Variants in PCDH11X observed in about 807,000 individuals in gnomAD.
The protein encoded by PCDH11X is protocadherin 11 X-linked.
PCDH11X carries 18 observed loss-of-function variants against 53.3 expected under a neutral mutation model. That is an observed-to-expected ratio of 0.34 (90% CI 0.23 to 0.50). The LOEUF (loss-of-function observed/expected upper bound fraction) is 0.50. Ranked by LOEUF, PCDH11X falls within the 20% of genes least tolerant of loss-of-function variation. PCDH11X has a pLI of 0.98. For synonymous variants in PCDH11X, 279 were observed against 393.3 expected (o/e 0.71, Z 3.44); for missense variants, 570 against 1,032.4 (o/e 0.55, Z 6.14).
intron 10 of PCDH11X, among the ~76,000 whole-genome samples, chrX:92,478,548 A>G (rs1219186853): frequency 9.0e-6 from 1 of 110,998 alleles, no homozygotes; most frequent in Non-Finnish European, 1.9e-5. Context: ...GTTGTGTCCC[A>G]GAGATTCTGC....
intron 6 of PCDH11X, among the ~76,000 whole-genome samples, chrX:91,921,081 G>A (rs768781589): frequency 8.1e-4 from 91 of 111,791 alleles, no homozygotes; most frequent in African/African-American, 2.8e-3. Flanking sequence ...TCATCTGTGG[G>A]TGAATTTCCC....
intron 8 of PCDH11X, among the ~76,000 whole-genome samples, chrX:92,281,264 A>G (rs1159478212): frequency 3.6e-5 from 4 of 111,793 alleles, no homozygotes; most frequent in Non-Finnish European, 5.6e-5. Flanking sequence ...ATAAACACAC[A>G]TACACACGCA....
intron 6 of PCDH11X, among the ~76,000 whole-genome samples, chrX:92,054,840 A>AAG (rs1556004430): frequency 2.9e-5 from 3 of 104,820 alleles, no homozygotes; most frequent in East Asian, 3.0e-4. Flanking sequence ...AAAAAAAAAA[A>AAG]AAAAGAAAAG....
intron 6 of PCDH11X, among the ~76,000 whole-genome samples, chrX:92,041,330 AC>A (rs1478958564): frequency 9.0e-6 from 1 of 110,618 alleles, no homozygotes; most frequent in East Asian, 2.8e-4. Context: ...ATTTTCTTAT[AC>A]AATCACCAAA....
chrX:92,262,768 G>C (rs561912097), intron 7 of PCDH11X, among the ~76,000 whole-genome samples: 1 of 111,336 alleles, frequency 9.0e-6, no homozygotes, highest in South Asian at 3.7e-4. Flanking sequence ...GAAAATAAGT[G>C]ACACCATAAC....
chrX:92,009,388 C>A (rs2062652023), intron 6 of PCDH11X, among the ~76,000 whole-genome samples: 1 of 110,906 alleles, frequency 9.0e-6, no homozygotes, highest in African/African-American at 3.3e-5. Flanking sequence ...TATTAATCAG[C>A]AACAAAATGG....
chrX:92,171,824 G>A, intron 6 of PCDH11X, among the ~76,000 whole-genome samples: 1 of 111,009 alleles, frequency 9.0e-6, no homozygotes, highest in East Asian at 2.9e-4. Context: ...TTGCCATCTT[G>A]ACAATATTAA....
chrX:92,505,152 CTTT>C (rs58620449), intron 10 of PCDH11X, among the ~76,000 whole-genome samples: 185 of 64,253 alleles, frequency 2.9e-3, no homozygotes, highest in African/African-American at 3.2e-3. Context: ...TTTCTTTTTT[CTTT>C]TTTTTTTTTT....
At chrX:92,152,855 T>G (rs1194140832) in intron 6 of PCDH11X, among the ~76,000 whole-genome samples, 1 of 110,726 alleles carries the variant, frequency 9.0e-6, no homozygotes, top group Admixed American at 9.8e-5. Flanking sequence ...TGGAGTGCAG[T>G]GGCGTGATCT....
At chrX:91,882,803 T>G in intron 6 of PCDH11X, 1 of 1,092,201 alleles carries the variant, frequency 9.2e-7, no homozygotes, top group Non-Finnish European at 1.2e-6. Context: ...ACTCTGCATT[T>G]ATATTTTGGT....
intron 4 of PCDH11X, among the ~76,000 whole-genome samples, chrX:91,824,650 C>T (rs1477072618): frequency 1.2e-4 from 12 of 101,826 alleles, no homozygotes; most frequent in African/African-American, 4.4e-5. Flanking sequence ...GTAATTTGAT[C>T]GTCTGAAGCC....
chrX:92,414,715 A>G lies in PCDH11X; in HGVS notation c.3343+26782A>G, dbSNP rs1017455231. ...ATTAAGACATCACAGACTGTTTCAT[A>G]GAATCACTATTTAAAAAAAAAAATT... On this transcript the variant is annotated intron_variant, in intron 9 of 10. Coordinates refer to ENST00000682573, the MANE Select transcript of PCDH11X (RefSeq NM_032968.5). 5.1e-4 allele frequency among the ~76,000 whole-genome samples: 50 copies of G among 97,924 alleles called. 1 individual carries two copies. Among genetic ancestry groups the G allele is most frequent in the African/African-American group, 2.2e-3 (49 of 21,948 alleles). The allele number at this position is 97,924 out of a possible 115,157, so 85.0% of individuals were successfully genotyped here. A position where few individuals can be genotyped will look rare whatever the true frequency, so the allele number is the denominator to read the frequency against.
At position 92,114,466 on chromosome X, in the gene PCDH11X, C is replaced by G. The variant is rs185522421; in HGVS notation, c.3034-86909C>G. ...GGAATCCTGGCTTACAGACATGATC[C>G]TGAGAAACTAGCCTTTTTATCTATT... On this transcript the variant is annotated intron_variant, in intron 6 of 10. Coordinates refer to ENST00000682573, the MANE Select transcript of PCDH11X (RefSeq NM_032968.5). The G allele has an allele frequency of 4.9e-6, 3 of 614,636 alleles. No homozygotes were observed. The South Asian group carries it at 7.3e-5, about 15-fold the overall frequency. 50.7% of individuals were successfully genotyped at this position (614,636 alleles called of 1,213,427 possible).
At chrX:92,030,167 T>C (rs1413533848) in intron 6 of PCDH11X, among the ~76,000 whole-genome samples, 3 of 111,325 alleles carry the variant, frequency 2.7e-5, no homozygotes, top group Non-Finnish European at 5.7e-5. Flanking sequence ...TTCACCTTGC[T>C]GGCCAGGATG....
chrX:91,964,342 C>T lies in PCDH11X; in HGVS notation c.3033+85069C>T, dbSNP rs750802860. 1.8e-3 allele frequency among the ~76,000 whole-genome samples: 200 copies of T among 110,595 alleles called. 1 individual carries two copies. The highest frequency in any genetic ancestry group is 6.2e-3 in the African/African-American group (186 of 29,957). ...CATATGGAACCACCAAGGACCCAGA[C>T]TAGCCAATGCAAACTTGAGAAACAC... On this transcript the variant is annotated intron_variant, in intron 6 of 10. Transcript: ENST00000682573.
At chrX:92,268,108 T>A (rs779543084) in intron 8 of PCDH11X, among the ~76,000 whole-genome samples, 3 of 112,239 alleles carry the variant, frequency 2.7e-5, no homozygotes, top group Non-Finnish European at 5.6e-5. Flanking sequence ...CAAATTCTAA[T>A]GGTATATTTC....
chrX:92,509,935 C>T, intron 10 of PCDH11X, among the ~76,000 whole-genome samples: 1 of 110,812 alleles, frequency 9.0e-6, no homozygotes, highest in Non-Finnish European at 1.9e-5. Flanking sequence ...TTTTCTGAGA[C>T]TAATATTGAA....
At chrX:92,569,379 A>G (rs970969775) in intron 10 of PCDH11X, among the ~76,000 whole-genome samples, 4 of 109,669 alleles carry the variant, frequency 3.6e-5, no homozygotes, top group Admixed American at 2.0e-4. Context: ...TGGCTTTTAA[A>G]AAAATGTCAT....
At chrX:92,160,919 C>T (rs2065632334) in intron 6 of PCDH11X, among the ~76,000 whole-genome samples, 1 of 111,080 alleles carries the variant, frequency 9.0e-6, no homozygotes, top group Non-Finnish European at 1.9e-5. Context: ...AATCCCTGAT[C>T]ATTAGTGCTG....
Sources: allele counts gnomAD v4.1 joint callset (sites outside exome capture counted in the v4.1 genomes callset), GRCh38; gene constraint gnomAD v4.1.1; transcripts MANE v1.5; gene names NCBI Gene and HGNC (gene_info 2026-07-23, HGNC 2026-07-21).